Variants in C16orf46 observed in about 807,000 individuals in gnomAD.
C16orf46 encodes chromosome 16 open reading frame 46, also known as uncharacterized protein C16orf46.
C16orf46 carries 7 observed loss-of-function variants against 5.5 expected under a neutral mutation model. That is an observed-to-expected ratio of 1.28 (90% CI 0.73 to 2.40). C16orf46 has a LOEUF of 2.40. Ranked by LOEUF, C16orf46 falls within the 30% of genes most tolerant of loss-of-function variation. The probability of loss-of-function intolerance (pLI) is 0.00; values close to 1 mark genes in which losing one functional copy is unlikely to be tolerated. For synonymous variants in C16orf46, 200 were observed against 184.1 expected, an observed-to-expected ratio of 1.09 and a Z score of -0.70; for missense variants, 614 against 476.0, an observed-to-expected ratio of 1.29 and a Z score of -2.70.
Position 81,061,183 on chromosome 16 carries a change from A to G in C16orf46, c.1166T>C (p.Val389Ala). 1 of 1,612,072 alleles carries G rather than the reference A, an allele frequency of 6.2e-7. No individual in the cohort carries two copies. The highest frequency in any genetic ancestry group is 1.7e-4 in the Middle Eastern group (1 of 6,054). Residue 389 changes from valine to alanine, a missense_variant, in exon 4 of 4, where the codon GTC (valine) becomes GCC (alanine). By Grantham distance (64) the Val-to-Ala change is moderately conservative. Coordinates refer to ENST00000299578, the MANE Select transcript of C16orf46 (RefSeq NM_152337.3). Reference protein sequence around the residue: ...SLTVSRVIIPVSTHRIL With the variant: ...SLTVSRVIIPASTHRIL ...CGCTCAGAGGATCCTGTGGGTAGAG[A>G]CAGGAATGATAACTCTGCTCACTGT...
At chr16:81,065,221 C>A (rs1179785834) in intron 2 of C16orf46, among the ~76,000 whole-genome samples, 1 of 152,096 alleles carries the variant, frequency 6.6e-6, no homozygotes, top group Non-Finnish European at 1.5e-5. Context: ...GCCTGTAATC[C>A]CAGTACTTTG....
chr16:81,074,463 C>T (rs536081005), intron 1 of C16orf46, among the ~76,000 whole-genome samples: 1 of 152,242 alleles, frequency 6.6e-6, no homozygotes. Flanking sequence ...CAGCTCCCTG[C>T]AACCTCTGCC....
chr16:81,073,396 G>T (rs947515093), intron 1 of C16orf46, among the ~76,000 whole-genome samples: 4 of 152,146 alleles, frequency 2.6e-5, no homozygotes, highest in Non-Finnish European at 5.9e-5. Context: ...AGAAAAATGG[G>T]TAAAAATACC....
intron 2 of C16orf46, among the ~76,000 whole-genome samples, chr16:81,064,617 C>T (rs765180153): frequency 6.0e-5 from 9 of 150,660 alleles, no homozygotes; most frequent in South Asian, 2.1e-4. Context: ...TGTGGTGCTG[C>T]GCACCTGTAA....
At chr16:81,058,618 C>G (rs1424968694), downstream of C16orf46, among the ~76,000 whole-genome samples, 1 of 152,200 alleles carries the variant, frequency 6.6e-6, no homozygotes, top group Non-Finnish European at 1.5e-5. Flanking sequence ...TGCCAGCTTG[C>G]AGGCCAAAGG....
chr16:81,065,080 C>A (rs899519938), intron 2 of C16orf46, among the ~76,000 whole-genome samples: 1 of 152,178 alleles, frequency 6.6e-6, no homozygotes, highest in Non-Finnish European at 1.5e-5. Context: ...AGTTGTAATC[C>A]TGATCAGAGC....
downstream of C16orf46, chr16:81,060,850 C>T: frequency 2.1e-6 from 1 of 473,770 alleles, no homozygotes; most frequent in Non-Finnish European, 3.0e-6. Context: ...GTGGCTTCTG[C>T]TGGGAGTGGA....
chr16:81,066,535 C>T (rs917589072), intron 1 of C16orf46, among the ~76,000 whole-genome samples: 1 of 152,124 alleles, frequency 6.6e-6, no homozygotes, highest in Non-Finnish European at 1.5e-5. Context: ...GTTTTATTAC[C>T]CATTCTTGTC....
downstream of C16orf46, among the ~76,000 whole-genome samples, chr16:81,056,637 A>C (rs1971303681): frequency 6.9e-6 from 1 of 145,130 alleles, no homozygotes; most frequent in African/African-American, 2.6e-5. Flanking sequence ...GGGAGGTTGC[A>C]GTGAGCCAAG....
intron 1 of C16orf46, among the ~76,000 whole-genome samples, chr16:81,066,581 G>C (rs1971662563): frequency 6.6e-6 from 1 of 152,130 alleles, no homozygotes; most frequent in South Asian, 2.1e-4. Context: ...CACAGTAATG[G>C]CCAAGAATCA....
At chr16:81,068,025 T>C (rs891901694) in intron 1 of C16orf46, among the ~76,000 whole-genome samples, 15 of 152,226 alleles carry the variant, frequency 9.9e-5, no homozygotes, top group African/African-American at 2.7e-4. Context: ...GGGCTTCTCA[T>C]TGAATTTATT....
intron 3 of C16orf46, among the ~76,000 whole-genome samples, chr16:81,054,330 C>T (rs961961896): frequency 6.6e-6 from 1 of 151,258 alleles, no homozygotes; most frequent in Non-Finnish European, 1.5e-5. Context: ...AAAACGTGAG[C>T]CCACCGAAAT....
At chr16:81,058,915 C>CA (rs918614369), downstream of C16orf46, among the ~76,000 whole-genome samples, 1 of 152,188 alleles carries the variant, frequency 6.6e-6, no homozygotes, top group Non-Finnish European at 1.5e-5. Flanking sequence ...ACCCAGGCTA[C>CA]AAACCTTAAT....
downstream of C16orf46, among the ~76,000 whole-genome samples, chr16:81,059,928 A>G (rs543750747): frequency 2.2e-4 from 34 of 151,678 alleles, no homozygotes; most frequent in African/African-American, 7.7e-4. Context: ...AGCTGGGACT[A>G]CAGAAGCCCG....
At chr16:81,062,434 A>G (rs1189311665) in intron 3 of C16orf46, among the ~76,000 whole-genome samples, 1 of 152,234 alleles carries the variant, frequency 6.6e-6, no homozygotes, top group African/African-American at 2.4e-5. Flanking sequence ...AGCATTTGTT[A>G]ATACTAAAAC....
In C16orf46 at chr16:81,075,316, A is replaced by G. The variant is rs193244212; in HGVS notation, c.-128+1820T>C. 2.5e-4 allele frequency among the ~76,000 whole-genome samples: 38 copies of G among 151,790 alleles called. 1 individual carries two copies. Among genetic ancestry groups the G allele is most frequent in the Admixed American group, 2.4e-3 (36 of 15,218 alleles). On this transcript the variant is annotated intron_variant, in intron 1 of 3. Coordinates refer to ENST00000299578, the MANE Select transcript of C16orf46 (RefSeq NM_152337.3). ...GATAAAGAATACATTCTGGCCAAGC[A>G]CGGTAGCTCACACCAATAATCCCAG... is the stretch of plus-strand genomic sequence containing the variant.
chr16:81,060,942 G>A, downstream of C16orf46: 1 of 1,326,094 alleles, frequency 7.5e-7, no homozygotes, highest in Non-Finnish European at 9.7e-7. Flanking sequence ...GTTAACACAT[G>A]AATATGGTGT....
intron 1 of C16orf46, chr16:81,072,291 C>A (rs1486500650): frequency 7.1e-6 from 1 of 140,116 alleles, no homozygotes; most frequent in African/African-American, 2.7e-5. Flanking sequence ...GGGACTCTGA[C>A]TCTGAGGGGT....
downstream of C16orf46, among the ~76,000 whole-genome samples, chr16:81,060,048 A>G (rs1388877817): frequency 6.6e-6 from 1 of 151,994 alleles, no homozygotes; most frequent in Non-Finnish European, 1.5e-5. Context: ...TCAGCCTCCC[A>G]AAGTGCTGGG....
Sources: allele counts gnomAD v4.1 joint callset (sites outside exome capture counted in the v4.1 genomes callset), GRCh38; gene constraint gnomAD v4.1.1; transcripts MANE v1.5; gene names NCBI Gene and HGNC (gene_info 2026-07-23, HGNC 2026-07-21).